DCSTAMP: variants seen among roughly 807,000 people sequenced by gnomAD.
DCSTAMP encodes the protein dendrocyte expressed seven transmembrane protein.
Under a neutral mutation model 33.8 loss-of-function variants are expected in DCSTAMP, and 25 were observed. The ratio of observed to expected loss-of-function variants is 0.74; its 90% CI spans 0.54 to 1.03. The LOEUF (loss-of-function observed/expected upper bound fraction) is 1.03, where lower values mean the gene tolerates loss of function less well. Ranked by LOEUF, DCSTAMP falls within the 50% of genes least tolerant of loss-of-function variation. DCSTAMP has a pLI of 0.00. For synonymous variants in DCSTAMP, 245 were observed against 216.7 expected, an observed-to-expected ratio of 1.13 and a Z score of -1.15; for missense variants, 531 against 556.8, an observed-to-expected ratio of 0.95 and a Z score of 0.47.
intron 1 of DCSTAMP, among the ~76,000 whole-genome samples, chr8:104,345,456 AGTTTTG>A (rs1215918022): frequency 1.3e-5 from 2 of 152,224 alleles, no homozygotes; most frequent in Admixed American, 6.5e-5. Context: ...CACTGCAGAA[AGTTTTG>A]GTGTCTGGTG....
intron 2 of DCSTAMP, among the ~76,000 whole-genome samples, chr8:104,350,946 G>C (rs1810444755): frequency 6.6e-6 from 1 of 152,160 alleles, no homozygotes; most frequent in African/African-American, 2.4e-5. Flanking sequence ...GAGAACCCCT[G>C]TTCTAAACCC....
At chr8:104,354,354 G>C (rs371716409) in intron 2 of DCSTAMP, among the ~76,000 whole-genome samples, 4 of 152,122 alleles carry the variant, frequency 2.6e-5, no homozygotes, top group Non-Finnish European at 5.9e-5. Context: ...TGCTTAAGGG[G>C]TATTGGGAGG....
At chr8:104,342,497 G>A (rs1360203646) in intron 1 of DCSTAMP, among the ~76,000 whole-genome samples, 1 of 152,222 alleles carries the variant, frequency 6.6e-6, no homozygotes, top group Non-Finnish European at 1.5e-5. Flanking sequence ...TGCTGGGTTG[G>A]AGGCTGCTGT....
intron 1 of DCSTAMP, among the ~76,000 whole-genome samples, chr8:104,342,829 G>C (rs369636578): frequency 2.6e-5 from 4 of 152,204 alleles, no homozygotes; most frequent in African/African-American, 9.7e-5. Context: ...CCTGCGTCCG[G>C]GGTGCCCGAG....
At chr8:104,342,974 C>G (rs1239652792) in intron 1 of DCSTAMP, among the ~76,000 whole-genome samples, 1 of 152,208 alleles carries the variant, frequency 6.6e-6, no homozygotes, top group East Asian at 1.9e-4. Flanking sequence ...CTTTAGATGG[C>G]TCAATAAAGC....
chr8:104,346,804 G>A (rs542767225), intron 1 of DCSTAMP, among the ~76,000 whole-genome samples: 19 of 152,214 alleles, frequency 1.2e-4, no homozygotes, highest in South Asian at 6.2e-4. Context: ...TCTGCCCTTC[G>A]TTAACCTCAT....
rs747571106 is a variant in DCSTAMP, at chr8:104,354,864, T to G, written c.1030-13T>G. 1.3e-6 allele frequency: 2 copies of G among 1,531,422 alleles called. No homozygotes were observed. Among genetic ancestry groups the G allele is most frequent in the East Asian group, 2.3e-5 (1 of 44,402 alleles). The allele number at this position is 1,531,422 out of a possible 1,614,324, so 94.9% of individuals were successfully genotyped here. On this transcript the variant is annotated splice_polypyrimidine_tract_variant and intron_variant, in intron 2 of 3. Coordinates refer to ENST00000297581, the MANE Select transcript of DCSTAMP (RefSeq NM_030788.4). Reference sequence around the variant, plus strand: ...ATGGCATGCATCATGATTATTTTATTCTTTCATTTTAGAAACAAGGAACTC... The same window carrying G: ...ATGGCATGCATCATGATTATTTTATGCTTTCATTTTAGAAACAAGGAACTC...
At chr8:104,342,694 A>T (rs1280875520) in intron 1 of DCSTAMP, among the ~76,000 whole-genome samples, 1 of 152,198 alleles carries the variant, frequency 6.6e-6, no homozygotes, top group Non-Finnish European at 1.5e-5. Context: ...ATGAGCCCCC[A>T]TTCCTGACCC....
intron 2 of DCSTAMP, among the ~76,000 whole-genome samples, chr8:104,351,668 T>C (rs1160929151): frequency 6.6e-6 from 1 of 152,196 alleles, no homozygotes; most frequent in Non-Finnish European, 1.5e-5. Flanking sequence ...TCCCAAGCCA[T>C]GTAACACAAC....
intron 2 of DCSTAMP, among the ~76,000 whole-genome samples, chr8:104,353,890 T>G (rs1347176836): frequency 1.3e-5 from 2 of 152,238 alleles, no homozygotes; most frequent in African/African-American, 2.4e-5. Context: ...TAATTTACAC[T>G]GGGAGTAGTT....
chr8:104,345,697 A>G (rs1810290024), intron 1 of DCSTAMP, among the ~76,000 whole-genome samples: 1 of 152,258 alleles, frequency 6.6e-6, no homozygotes, highest in South Asian at 2.1e-4. Context: ...AGGCAAGAGA[A>G]AGGAAAAATG....
chr8:104,352,897 C>T (rs747395122), intron 2 of DCSTAMP, among the ~76,000 whole-genome samples: 45 of 152,156 alleles, frequency 3.0e-4, no homozygotes, highest in South Asian at 6.2e-4. Context: ...GCATGACTGA[C>T]GATGCCCTGC....
intron 1 of DCSTAMP, among the ~76,000 whole-genome samples, chr8:104,343,496 C>A (rs1564063315): frequency 6.6e-6 from 1 of 152,140 alleles, no homozygotes; most frequent in Non-Finnish European, 1.5e-5. Context: ...GTGTCTTCTG[C>A]CAATTTATTT....
rs201921514 is a variant in DCSTAMP, at chr8:104,348,676, A to C, written c.124A>C (p.Ile42Leu). The change falls in exon 2 of 4, where the codon ATT becomes CTT. Residue 42 changes from isoleucine to leucine, a missense_variant. Coordinates refer to ENST00000297581, the MANE Select transcript of DCSTAMP (RefSeq NM_030788.4). The part of the protein sequence containing the change: ...HLGVCCLVAL[I>L]SVGLLSVAAC... ...GGGAGTTTGCTGTTTGGTTGCTCTT[A>C]TTTCAGTGGGCCTCCTGTCTGTGGC... 4 of 1,614,060 alleles carry C rather than the reference A, an allele frequency of 2.5e-6. No individual in the cohort carries two copies. In the East Asian group the frequency reaches 8.9e-5, roughly 36 times the overall value.
chr8:104,353,843 C>A (rs954055549), intron 2 of DCSTAMP, among the ~76,000 whole-genome samples: 2 of 152,314 alleles, frequency 1.3e-5, no homozygotes. Flanking sequence ...ACTAAGCACC[C>A]CAGTCTATAA....
intron 1 of DCSTAMP, among the ~76,000 whole-genome samples, chr8:104,343,088 C>A (rs908497156): frequency 6.6e-6 from 1 of 152,126 alleles, no homozygotes; most frequent in African/African-American, 2.4e-5. Context: ...TGATTGGGAT[C>A]CTGGGAATAT....
Position 104,349,598 on chromosome 8 carries a change from C to T in DCSTAMP, c.1029+17C>T. 6.3e-7 allele frequency: 1 copy of T among 1,594,290 alleles called. No individual in the cohort carries two copies. Among genetic ancestry groups the T allele is most frequent in the Non-Finnish European group, 8.5e-7 (1 of 1,172,624 alleles). ...CACGGAGAGGTAGGGCCCACAGGTA[C>T]TTCTCATGGTTTATCCCGGCTATTT... is the stretch of plus-strand genomic sequence containing the variant. On this transcript the variant is annotated intron_variant, in intron 2 of 3. Transcript: ENST00000297581.
intron 3 of DCSTAMP, 59 bp from the exon 4 acceptor site, chr8:104,356,065 G>T: frequency 6.8e-7 from 1 of 1,468,274 alleles, no homozygotes. Flanking sequence ...ATTGATGTCA[G>T]AGGCATTTAA....
At chr8:104,349,698 C>A in intron 2 of DCSTAMP, 117 bp downstream of exon 2, 2 of 1,168,696 alleles carry the variant, frequency 1.7e-6, no homozygotes, top group Non-Finnish European at 2.4e-6. Context: ...ATCCTTGGTG[C>A]CCAGCATAGT....
Sources: gnomAD v4.1 joint callset for allele counts (sites outside exome capture counted in the v4.1 genomes callset) on GRCh38, gnomAD v4.1.1 for gene constraint, MANE v1.5 for transcripts, NCBI Gene and HGNC (gene_info 2026-07-23, HGNC 2026-07-21) for gene names.